Variants in FAM227B observed in about 807,000 individuals in gnomAD.
FAM227B encodes protein FAM227B.
Under a neutral mutation model 73.8 loss-of-function variants are expected in FAM227B, and 88 were observed. The ratio of observed to expected loss-of-function variants is 1.19; its 90% CI spans 1.00 to 1.42. FAM227B has a LOEUF of 1.42. Ranked by LOEUF, FAM227B falls within the 40% of genes most tolerant of loss-of-function variation. The pLI is 0.00. For synonymous variants in FAM227B, 210 were observed against 190.5 expected (o/e 1.10, Z -0.84); for missense variants, 632 against 590.9 (o/e 1.07, Z -0.72).
At chr15:49,354,381 G>A (rs960782043) in intron 13 of FAM227B, among the ~76,000 whole-genome samples, 2 of 152,186 alleles carry the variant, frequency 1.3e-5, no homozygotes, top group Non-Finnish European at 2.9e-5. Context: ...GCAGGTCAGT[G>A]GGTGCGCGCA....
At chr15:49,407,740 T>C (rs1476556339) in intron 11 of FAM227B, among the ~76,000 whole-genome samples, 1 of 150,986 alleles carries the variant, frequency 6.6e-6, no homozygotes, top group African/African-American at 2.4e-5. Flanking sequence ...TTTTCACCTT[T>C]AGTTTTGTGA....
chr15:49,550,629 C>T (rs2072830558), intron 9 of FAM227B, among the ~76,000 whole-genome samples: 1 of 151,024 alleles, frequency 6.6e-6, no homozygotes. Flanking sequence ...AGAGGCGCTC[C>T]TCACATCCCA....
chr15:49,329,635 GC>G (rs2038218437), intron 15 of FAM227B: 1 of 984,458 alleles, frequency 1.0e-6, no homozygotes, highest in South Asian at 4.7e-5. Flanking sequence ...AAAGGTAAAT[GC>G]TTGAGAAAGC....
intron 2 of FAM227B, chr15:49,614,702 A>C (rs2078175584): frequency 6.1e-6 from 1 of 162,734 alleles, no homozygotes; most frequent in African/African-American, 2.4e-5. Flanking sequence ...AAACATACCA[A>C]ATCACTATAT....
At chr15:49,605,378 G>T (rs764484851) in intron 3 of FAM227B, among the ~76,000 whole-genome samples, 2 of 152,162 alleles carry the variant, frequency 1.3e-5, no homozygotes, top group Non-Finnish European at 2.9e-5. Context: ...TGGGTCCACC[G>T]GAGTGGTCCT....
chr15:49,437,848 A>C (rs2051252085), intron 11 of FAM227B, among the ~76,000 whole-genome samples: 1 of 151,662 alleles, frequency 6.6e-6, no homozygotes, highest in South Asian at 2.1e-4. Flanking sequence ...AAGTACTGTG[A>C]AAAAGGTATG....
At chr15:49,476,021 C>A (rs1448384859) in intron 11 of FAM227B, among the ~76,000 whole-genome samples, 1 of 152,128 alleles carries the variant, frequency 6.6e-6, no homozygotes, top group Admixed American at 6.5e-5. Flanking sequence ...ATCTTCTGAA[C>A]ATGACTTTTG....
chr15:49,412,268 T>C (rs1266217650), intron 11 of FAM227B, among the ~76,000 whole-genome samples: 1 of 152,096 alleles, frequency 6.6e-6, no homozygotes, highest in Non-Finnish European at 1.5e-5. Flanking sequence ...AAATTAGCCA[T>C]TTTTTCTTGG....
chr15:49,535,803 T>C (rs2060964588), intron 10 of FAM227B, among the ~76,000 whole-genome samples: 1 of 151,818 alleles, frequency 6.6e-6, no homozygotes, highest in African/African-American at 2.4e-5. Context: ...ACACAATCAG[T>C]TATGATAGCC....
At chr15:49,424,944 A>G (rs917233864) in intron 11 of FAM227B, 20 of 157,940 alleles carry the variant, frequency 1.3e-4, no homozygotes, top group African/African-American at 4.3e-4. Flanking sequence ...TTCATAAATT[A>G]TCACTAAAAG....
chr15:49,334,629 G>A (rs1332503651), intron 14 of FAM227B, among the ~76,000 whole-genome samples: 2 of 152,210 alleles, frequency 1.3e-5, no homozygotes, highest in African/African-American at 4.8e-5. Context: ...GTCTGTGGGT[G>A]GGTGGGCAGG....
chr15:49,518,959 A>G (rs558062705), intron 10 of FAM227B, among the ~76,000 whole-genome samples: 1 of 152,370 alleles, frequency 6.6e-6, no homozygotes, highest in South Asian at 2.1e-4. Context: ...AGCTTGTAAT[A>G]TCAAAAGCAA....
intron 11 of FAM227B, among the ~76,000 whole-genome samples, chr15:49,489,862 A>ATATATATATATTT (rs2056867876): frequency 1.6e-4 from 1 of 6,378 alleles, no homozygotes; most frequent in Non-Finnish European, 3.5e-4. Context: ...TATATATTTT[A>ATATATATATATTT]TATATATATA....
intron 10 of FAM227B, among the ~76,000 whole-genome samples, chr15:49,510,015 C>T (rs954057790): frequency 1.3e-5 from 2 of 152,108 alleles, no homozygotes; most frequent in East Asian, 3.8e-4. Flanking sequence ...ATCCCCAAGA[C>T]CATATCTTGC....
At chr15:49,504,458 C>T (rs8025455) in intron 11 of FAM227B, among the ~76,000 whole-genome samples, 152,177 of 152,224 alleles carry the variant, frequency 1, 76,065 homozygotes, top group Non-Finnish European at 1. Context: ...ATATATTGTT[C>T]ATAACTTTGT....
At chr15:49,525,532 G>A (rs760796117) in intron 10 of FAM227B, among the ~76,000 whole-genome samples, 11 of 151,282 alleles carry the variant, frequency 7.3e-5, no homozygotes, top group East Asian at 1.9e-4. Flanking sequence ...CTGCAAAATC[G>A]AGCTTCCTAA....
chr15:49,572,584 G>A (rs1444135245), intron 8 of FAM227B, among the ~76,000 whole-genome samples: 1 of 152,086 alleles, frequency 6.6e-6, no homozygotes, highest in East Asian at 1.9e-4. Context: ...AAAACAATGT[G>A]ACATTTTCTC....
rs1036643143 is a variant in FAM227B, at chr15:49,508,123, A to G, written c.1012+88T>C. The G allele has an allele frequency of 4.2e-5, 60 of 1,418,690 alleles. 1 individual carries two copies. The highest frequency in any genetic ancestry group is 5.4e-5 in the Non-Finnish European group (56 of 1,045,156). 87.9% of individuals were successfully genotyped at this position (1,418,690 alleles called of 1,614,324 possible). On this transcript the variant is annotated intron_variant, in intron 11 of 15. Transcript: ENST00000299338. Reference sequence around the variant, plus strand: ...TTATTTTAAGGCCCTCACCAAAAACATAAATCATTAGAAAATTCTGCCTAA... The same window carrying G: ...TTATTTTAAGGCCCTCACCAAAAACGTAAATCATTAGAAAATTCTGCCTAA...
Position 49,384,724 on chromosome 15 carries a change from G to GGATCTA in FAM227B, c.1013-13326_1013-13325insTAGATC, listed in dbSNP as rs548208401. Among the ~76,000 whole-genome samples the GGATCTA allele has an allele frequency of 5.6e-3, 856 of 152,008 alleles. 6 individuals are homozygous for GGATCTA. The highest frequency in any genetic ancestry group is 0.02 in the African/African-American group (816 of 41,518). On this transcript the variant is annotated intron_variant, in intron 11 of 15. Coordinates refer to ENST00000299338, the MANE Select transcript of FAM227B (RefSeq NM_152647.3). ...CTTATAAACTGTTCTGCTGTGACTA[G>GGATCTA]TAATAGTTAAGATTATAGATCCAAG...
Sources: allele counts gnomAD v4.1 joint callset (sites outside exome capture counted in the v4.1 genomes callset), GRCh38; gene constraint gnomAD v4.1.1; transcripts MANE v1.5; gene names NCBI Gene and HGNC (gene_info 2026-07-23, HGNC 2026-07-21).